Variants in ZNF273 observed in about 807,000 individuals in gnomAD.
ZNF273 encodes zinc finger protein 9.
Under a neutral mutation model 14.9 loss-of-function variants are expected in ZNF273, and 11 were observed. The observed-to-expected ratio is 0.74, with a 90% CI of 0.46 to 1.22. The LOEUF is 1.22. Among genes scored for constraint, ZNF273 ranks in the 50% most tolerant of loss-of-function variants. ZNF273 has a pLI of 0.00. For synonymous variants in ZNF273, 199 were observed against 223.9 expected (o/e 0.89, Z 0.99); for missense variants, 577 against 660.6 (o/e 0.87, Z 1.39).
At chr7:64,878,337 C>T (rs780150656) in intron 1 of ZNF273, 1 of 152,244 alleles carries the variant, frequency 6.6e-6, no homozygotes, top group Non-Finnish European at 1.5e-5. Context: ...GCCCCATTGT[C>T]CTAAGGACAA....
chr7:64,912,265 G>T (rs571631674), intron 1 of ZNF273, among the ~76,000 whole-genome samples: 1 of 152,280 alleles, frequency 6.6e-6, no homozygotes, highest in South Asian at 2.1e-4. Flanking sequence ...GGCCATTTAT[G>T]TTGTTTTTAG....
chr7:64,899,718 G>T (rs1792569194), upstream of ZNF273, among the ~76,000 whole-genome samples: 1 of 150,466 alleles, frequency 6.6e-6, no homozygotes, highest in East Asian at 1.9e-4. Flanking sequence ...GTACAGTATA[G>T]CAGAATTCTC....
chr7:64,909,240 T>TC (rs1310769828), intron 1 of ZNF273, among the ~76,000 whole-genome samples: 3 of 151,626 alleles, frequency 2.0e-5, no homozygotes, highest in African/African-American at 7.3e-5. Context: ...TTTTTTTTTT[T>TC]TTCTGAGACA....
At position 64,904,504 on chromosome 7, in the gene ZNF273, A is replaced by ATT. The variant is rs560752500; in HGVS notation, c.102+1088_102+1089dup. Among the ~76,000 whole-genome samples the ATT allele has an allele frequency of 3.3e-3, 497 of 152,110 alleles. 4 individuals carry two copies. Among genetic ancestry groups the ATT allele is most frequent in the Non-Finnish European group, 5.1e-3 (347 of 68,004 alleles). ...TACAGGGGATAGATTTTCCCCTGAA[A>ATT]TTTTCACATGTGGCCCAAGCAGAGT... is the stretch of plus-strand genomic sequence containing the variant. On this transcript the variant is annotated intron_variant, in intron 1 of 3. Transcript: ENST00000476120.
Position 64,928,525 on chromosome 7 carries a change from G to A in ZNF273, c.1197G>A (p.Glu399=). 3 of 1,613,872 alleles carry A rather than the reference G, an allele frequency of 1.9e-6. No homozygotes were observed. The highest frequency in any genetic ancestry group is 2.5e-6 in the Non-Finnish European group (3 of 1,179,908). The change falls in exon 4 of 4, where the codon GAG becomes GAA. Residue 399 remains glutamate, a synonymous_variant. Transcript: ENST00000476120. ...LTRHKIVHTG[E]KPYKCEECGK... ...GACATAAGATAGTTCATACTGGAGA[G>A]AAACCCTACAAATGTGAAGAATGTG...
chr7:64,936,702 T>G, the ZNF273 span, among the ~76,000 whole-genome samples: 3 of 152,296 alleles, frequency 2.0e-5, no homozygotes, highest in South Asian at 4.1e-4. Context: ...AGCTAAAAAT[T>G]TTTTCAGTAA....
chr7:64,921,907 G>C (rs927392247), intron 3 of ZNF273, among the ~76,000 whole-genome samples: 1 of 151,936 alleles, frequency 6.6e-6, no homozygotes, highest in Non-Finnish European at 1.5e-5. Flanking sequence ...GGGATTACAG[G>C]TGAGAGCTAC....
chr7:64,917,664 T>A lies in ZNF273; in HGVS notation c.186T>A (p.Tyr62Ter), dbSNP rs1178733645. ...TGGACACTTCACAGCAGAATTTGTA[T>A]AGGAATGTGATGTTAGATAACTACA... is the stretch of plus-strand genomic sequence containing the variant. ...QCLDTSQQNL[Y>*]RNVMLDNYRN... Residue 62 changes from tyrosine to a stop codon, truncating the protein, a stop_gained, in exon 2 of 4, where the codon TAT becomes TAA. Coordinates refer to ENST00000476120, the MANE Select transcript of ZNF273 (RefSeq NM_021148.3). LOFTEE classifies it high-confidence loss of function. 6.3e-7 allele frequency: 1 copy of A among 1,599,668 alleles called. No homozygotes were observed. The highest frequency in any genetic ancestry group is 1.1e-5 in the South Asian group (1 of 90,930).
At chr7:64,878,670 C>A (rs1402053621) in intron 2 of ZNF273, among the ~76,000 whole-genome samples, 1 of 152,204 alleles carries the variant, frequency 6.6e-6, no homozygotes, top group African/African-American at 2.4e-5. Flanking sequence ...ATTTGGGGAA[C>A]CACTGGAGCC....
At chr7:64,926,947 C>G (rs1262841090) in intron 3 of ZNF273, among the ~76,000 whole-genome samples, 1 of 152,194 alleles carries the variant, frequency 6.6e-6, no homozygotes, top group African/African-American at 2.4e-5. Context: ...CTGACTCAAA[C>G]TGTTATTCCA....
At chr7:64,907,987 C>T (rs1562957287) in intron 1 of ZNF273, among the ~76,000 whole-genome samples, 1 of 152,242 alleles carries the variant, frequency 6.6e-6, no homozygotes, top group South Asian at 2.1e-4. Flanking sequence ...CTAGGAACCA[C>T]CCTCAGGAAT....
At chr7:64,912,830 T>TTTTTTTTTTTTG (rs1793649622) in intron 1 of ZNF273, among the ~76,000 whole-genome samples, 1 of 94,274 alleles carries the variant, frequency 1.1e-5, no homozygotes, top group Non-Finnish European at 2.3e-5. Flanking sequence ...ATTTTAGTTT[T>TTTTTTTTTTTTG]TTTTTTTTTT....
At chr7:64,916,310 C>T (rs1377832708) in intron 1 of ZNF273, among the ~76,000 whole-genome samples, 10 of 144,654 alleles carry the variant, frequency 6.9e-5, no homozygotes, top group East Asian at 4.2e-4. Context: ...GAGGTTGAGG[C>T]GGACAGGAGT....
chr7:64,919,986 A>G (rs1412636808), intron 3 of ZNF273, among the ~76,000 whole-genome samples: 4 of 152,152 alleles, frequency 2.6e-5, no homozygotes, highest in South Asian at 2.1e-4. Context: ...CAATGGCACA[A>G]TATAGTTTTG....
chr7:64,914,706 T>C (rs1398691818), intron 1 of ZNF273, among the ~76,000 whole-genome samples: 1 of 152,160 alleles, frequency 6.6e-6, no homozygotes, highest in African/African-American at 2.4e-5. Flanking sequence ...GAGTAGCTCA[T>C]TGTTCCTGAA....
chr7:64,900,921 ACT>A (rs770845064), upstream of ZNF273, among the ~76,000 whole-genome samples: 2 of 151,670 alleles, frequency 1.3e-5, no homozygotes, highest in South Asian at 2.1e-4. Flanking sequence ...TCTGAACCTA[ACT>A]CTGTGTGTGT....
intron 1 of ZNF273, among the ~76,000 whole-genome samples, chr7:64,914,771 T>TC (rs1793834837): frequency 6.6e-6 from 1 of 152,280 alleles, no homozygotes; most frequent in South Asian, 2.1e-4. Context: ...TTGGAGTTTT[T>TC]CATGTCATCT....
At chr7:64,897,349 C>G (rs1163978821) in exon 4 of ZNF273, 1 of 152,354 alleles carries the variant, frequency 6.6e-6, no homozygotes, top group African/African-American at 2.4e-5. Context: ...TGTTTTCAGA[C>G]GGAATCTTGC....
At chr7:64,888,278 G>A in intron 1 of ZNF273, 2 of 984,908 alleles carry the variant, frequency 2.0e-6, no homozygotes, top group Non-Finnish European at 2.4e-6. Flanking sequence ...CTGTCTCTAT[G>A]GGGGTCCTTC....
Sources: allele counts gnomAD v4.1 joint callset (sites outside exome capture counted in the v4.1 genomes callset), GRCh38; gene constraint gnomAD v4.1.1; transcripts MANE v1.5; gene names NCBI Gene and HGNC (gene_info 2026-07-23, HGNC 2026-07-21).